XRCC5: variants seen among roughly 807,000 people sequenced by gnomAD.
The protein encoded by XRCC5 is DNA repair protein Ku80.
In XRCC5, 12 loss-of-function variants were observed where a neutral mutation model predicts 95.7. The observed-to-expected ratio is 0.13, with a 90% CI of 0.08 to 0.20. The LOEUF (loss-of-function observed/expected upper bound fraction) is 0.20. XRCC5 is among the 10% of genes least tolerant of loss of function. The pLI, the probability that XRCC5 is intolerant of heterozygous loss-of-function variation, is 1.00. For missense variants in XRCC5, 595 were observed against 873.9 expected (o/e 0.68, Z 4.02); for synonymous variants, 281 against 290.3 (o/e 0.97, Z 0.33).
At chr2:216,187,300 AT>A (rs202191623) in intron 16 of XRCC5, among the ~76,000 whole-genome samples, 5 of 148,730 alleles carry the variant, frequency 3.4e-5, no homozygotes, top group Non-Finnish European at 4.5e-5. Flanking sequence ...TTAGGACTTC[AT>A]TTTTTTTTTT....
At chr2:216,123,627 G>A (rs1347988906) in intron 6 of XRCC5, among the ~76,000 whole-genome samples, 4 of 152,098 alleles carry the variant, frequency 2.6e-5, no homozygotes, top group Non-Finnish European at 5.9e-5. Flanking sequence ...CCAGCGTGGC[G>A]AAACCCCGTC....
chr2:216,180,818 T>G (rs1451454223), intron 16 of XRCC5, among the ~76,000 whole-genome samples: 2 of 151,790 alleles, frequency 1.3e-5, no homozygotes, highest in Non-Finnish European at 2.9e-5. Flanking sequence ...GTATCTTTTT[T>G]TTTTTTTTTC....
chr2:216,119,684 T>C (rs1005909782), intron 5 of XRCC5, among the ~76,000 whole-genome samples: 1 of 152,192 alleles, frequency 6.6e-6, no homozygotes, highest in African/African-American at 2.4e-5. Context: ...ATATATAAAA[T>C]TTAATTTGCT....
chr2:216,192,126 G>A (rs1425302846), intron 17 of XRCC5, among the ~76,000 whole-genome samples: 2 of 152,162 alleles, frequency 1.3e-5, no homozygotes, highest in Admixed American at 1.3e-4. Flanking sequence ...AGCCTTCCAA[G>A]TAGCTGGGAA....
intron 5 of XRCC5, 66 bp downstream of exon 5, chr2:216,119,231 C>T: frequency 6.3e-7 from 1 of 1,577,884 alleles, no homozygotes; most frequent in Non-Finnish European, 8.7e-7. Flanking sequence ...AATGGGCCCT[C>T]TGTATAGAGT....
At chr2:216,152,649 G>GTT (rs1295350628) in intron 14 of XRCC5, among the ~76,000 whole-genome samples, 2 of 138,400 alleles carry the variant, frequency 1.4e-5, no homozygotes, top group Non-Finnish European at 3.2e-5. Context: ...TTTTTTTCTT[G>GTT]TTTTTTTTTT....
At chr2:216,198,607 G>A (rs796732102) in intron 19 of XRCC5, among the ~76,000 whole-genome samples, 10 of 152,000 alleles carry the variant, frequency 6.6e-5, no homozygotes, top group African/African-American at 2.4e-4. Context: ...CCAAGCTGGA[G>A]TGTAGTGGCA....
At chr2:216,121,943 C>T (rs1696819967) in intron 5 of XRCC5, 119 bp from the exon 6 acceptor site, 3 of 895,818 alleles carry the variant, frequency 3.3e-6, no homozygotes, top group Admixed American at 3.0e-5. Context: ...AGGTAAGAGT[C>T]GTTTGACAGA....
chr2:216,139,504 T>C (rs1697140742), intron 12 of XRCC5, among the ~76,000 whole-genome samples: 1 of 152,150 alleles, frequency 6.6e-6, no homozygotes, highest in Non-Finnish European at 1.5e-5. Flanking sequence ...CCAGCCCCTC[T>C]GATTCATTTA....
intron 18 of XRCC5, among the ~76,000 whole-genome samples, chr2:216,193,177 C>T (rs943032580): frequency 6.6e-6 from 1 of 152,188 alleles, no homozygotes; most frequent in African/African-American, 2.4e-5. Flanking sequence ...TCCGTTTCAA[C>T]AGACCAGCAT....
At chr2:216,134,152 T>C (rs938520440) in intron 10 of XRCC5, among the ~76,000 whole-genome samples, 2 of 152,344 alleles carry the variant, frequency 1.3e-5, no homozygotes, top group African/African-American at 4.8e-5. Context: ...CAGATGTACA[T>C]GTGGATTGTT....
chr2:216,200,253 A>G (rs79327125), intron 19 of XRCC5, among the ~76,000 whole-genome samples: 2,383 of 152,244 alleles, frequency 0.016, 64 homozygotes, highest in African/African-American at 0.055. Context: ...TCAAGAGTAC[A>G]TCTGGTTCTG....
intron 14 of XRCC5, among the ~76,000 whole-genome samples, chr2:216,155,813 G>A (rs1023426130): frequency 3.9e-5 from 6 of 152,014 alleles, no homozygotes; most frequent in African/African-American, 1.2e-4. Flanking sequence ...CTGATATATC[G>A]GTGGGTACAA....
chr2:216,195,074 G>T (rs1293773578), intron 19 of XRCC5, 88 bp downstream of exon 19: 2 of 1,244,850 alleles, frequency 1.6e-6, no homozygotes, highest in South Asian at 1.2e-5. Context: ...AATTTTATGG[G>T]TAACTAAATT....
At chr2:216,193,082 A>G (rs41296749) in intron 18 of XRCC5, among the ~76,000 whole-genome samples, 2,739 of 152,288 alleles carry the variant, frequency 0.018, 76 homozygotes, top group African/African-American at 0.062. Flanking sequence ...AGGCCATTTC[A>G]GTCCTGCTGG....
chr2:216,123,451 T>A lies in XRCC5; in HGVS notation c.683+1198T>A, dbSNP rs547610784. On this transcript the variant is annotated intron_variant, in intron 6 of 20. Transcript: ENST00000392132. ...TATTTACAGATATGTGTTCCTAAGT[T>A]GTTTCTCTTTCAAATTTTGGAATAA... is the stretch of plus-strand genomic sequence containing the variant. Among the ~76,000 whole-genome samples, 17 of 152,326 alleles carry A rather than the reference T, an allele frequency of 1.1e-4. No homozygotes were observed. In the East Asian group the frequency reaches 1.3e-3, roughly 12 times the overall value.
chr2:216,204,244 G>T, intron 19 of XRCC5, 78 bp from the exon 20 acceptor site: 2 of 1,546,834 alleles, frequency 1.3e-6, no homozygotes, highest in African/African-American at 2.7e-5. Context: ...TTTTGCTGTG[G>T]CAATGCTAGC....
chr2:216,183,676 A>T (rs1202622058), intron 16 of XRCC5, among the ~76,000 whole-genome samples: 1 of 152,032 alleles, frequency 6.6e-6, no homozygotes, highest in Non-Finnish European at 1.5e-5. Flanking sequence ...GGAAGCAGGG[A>T]ACTTCTTTTT....
intron 12 of XRCC5, 60 bp downstream of exon 12, chr2:216,138,239 C>T: frequency 6.8e-7 from 1 of 1,480,078 alleles, no homozygotes; most frequent in Non-Finnish European, 9.4e-7. Context: ...GGGAAATCAC[C>T]TGTCTGCTAG....
Sources: allele counts gnomAD v4.1 joint callset (sites outside exome capture counted in the v4.1 genomes callset), GRCh38; gene constraint gnomAD v4.1.1; transcripts MANE v1.5; gene names NCBI Gene and HGNC (gene_info 2026-07-23, HGNC 2026-07-21).